DPEP1: variants seen among roughly 807,000 people sequenced by gnomAD.
The protein encoded by DPEP1 is beta-lactamase.
Under a neutral mutation model 42.3 loss-of-function variants are expected in DPEP1, and 50 were observed. That is an observed-to-expected ratio of 1.18 (90% CI 0.94 to 1.50). DPEP1 has a LOEUF of 1.50. Ranked by LOEUF, DPEP1 falls within the 40% of genes most tolerant of loss-of-function variation. The pLI is 0.00. For missense variants in DPEP1, 663 were observed against 553.0 expected (o/e 1.20, Z -1.99); for synonymous variants, 297 against 234.0 (o/e 1.27, Z -2.46).
Position 89,637,370 on chromosome 16 carries a change from T to C in DPEP1, c.758T>C (p.Leu253Pro). Residue 253 changes from leucine to proline, a missense_variant, in exon 7 of 11, where the codon CTG becomes CCG. Coordinates refer to ENST00000690203, the MANE Select transcript of DPEP1 (RefSeq NM_001389466.1). Reference sequence around the variant, plus strand: ...CGGCGCAACGTGCCTGACGACGTCCTGAGGCTGGTGGTGAGGGCCGAGGGG... The same window carrying C: ...CGGCGCAACGTGCCTGACGACGTCCCGAGGCTGGTGGTGAGGGCCGAGGGG... ...ASRRNVPDDV[L>P]RLVKQTDSLV... 1 of 1,612,340 alleles carries C rather than the reference T, an allele frequency of 6.2e-7. No homozygotes were observed. Among genetic ancestry groups the C allele is most frequent in the Non-Finnish European group, 8.5e-7 (1 of 1,179,922 alleles).
chr16:89,626,401 A>T (rs1274497867), intron 1 of DPEP1: 3 of 152,174 alleles, frequency 2.0e-5, no homozygotes, highest in Non-Finnish European at 4.4e-5. Flanking sequence ...AGCTGGCTGG[A>T]GTGCAGTGGC....
intron 3 of DPEP1, 54 bp downstream of exon 3, chr16:89,636,094 C>T: frequency 1.3e-6 from 2 of 1,568,200 alleles, no homozygotes; most frequent in Non-Finnish European, 8.6e-7. Context: ...CCGTCTCCTA[C>T]CTCAGGCCTG....
At chr16:89,616,006 G>T (rs2059376582) in intron 1 of DPEP1, among the ~76,000 whole-genome samples, 1 of 152,104 alleles carries the variant, frequency 6.6e-6, no homozygotes, top group Non-Finnish European at 1.5e-5. Flanking sequence ...CTGGGAGGCA[G>T]AGGTTTCAGT....
downstream of DPEP1, among the ~76,000 whole-genome samples, chr16:89,639,418 A>T (rs1346808485): frequency 6.7e-5 from 1 of 14,854 alleles, no homozygotes; most frequent in African/African-American, 3.0e-4. Flanking sequence ...CCCCACCCCT[A>T]CACACCACCC....
chr16:89,640,944 T>C (rs1273586832), downstream of DPEP1, among the ~76,000 whole-genome samples: 1 of 151,838 alleles, frequency 6.6e-6, no homozygotes, highest in Non-Finnish European at 1.5e-5. Context: ...GGGTCAGGAG[T>C]GTGAGCCATC....
chr16:89,637,067 C>G lies in DPEP1; in HGVS notation c.591+132C>G, dbSNP rs981130741. ...TAAAATGGAGCTGGCAGCCATCCCCCCAGGGTGGGTGCTGAGCCCTGAGTG... is the reference window on the plus strand; with the variant it reads ...TAAAATGGAGCTGGCAGCCATCCCCGCAGGGTGGGTGCTGAGCCCTGAGTG... On this transcript the variant is annotated intron_variant, in intron 6 of 10. Transcript: ENST00000690203. The G allele has an allele frequency of 1.4e-5, 21 of 1,525,678 alleles. No homozygotes were observed. In the South Asian group the frequency reaches 2.1e-4, roughly 15 times the overall value. The allele number at this position is 1,525,678 out of a possible 1,614,324, so 94.5% of individuals were successfully genotyped here. A position where few individuals can be genotyped will look rare whatever the true frequency, so the allele number is the denominator to read the frequency against.
At chr16:89,626,870 C>A (rs371384027) in intron 1 of DPEP1, among the ~76,000 whole-genome samples, 1 of 151,980 alleles carries the variant, frequency 6.6e-6, no homozygotes, top group Non-Finnish European at 1.5e-5. Flanking sequence ...GTAATCCCAA[C>A]AGCTTGGGAG....
intron 1 of DPEP1, among the ~76,000 whole-genome samples, chr16:89,629,677 C>T (rs1010438036): frequency 3.9e-5 from 6 of 152,320 alleles, no homozygotes; most frequent in South Asian, 2.1e-4. Context: ...CAGGAGCCCT[C>T]GGGCGACTTG....
At chr16:89,632,091 C>A (rs1190806136) in intron 2 of DPEP1, among the ~76,000 whole-genome samples, 2 of 152,122 alleles carry the variant, frequency 1.3e-5, no homozygotes. Flanking sequence ...CACCTGTCAC[C>A]CAGGCTGGAG....
intron 1 of DPEP1, among the ~76,000 whole-genome samples, chr16:89,615,739 G>T (rs1037061707): frequency 6.6e-6 from 1 of 152,218 alleles, no homozygotes; most frequent in Non-Finnish European, 1.5e-5. Flanking sequence ...AGGCACGTTG[G>T]GATTTGGCCA....
chr16:89,621,932 A>G (rs1033792063), intron 1 of DPEP1, among the ~76,000 whole-genome samples: 2 of 152,120 alleles, frequency 1.3e-5, no homozygotes, highest in Admixed American at 6.5e-5. Flanking sequence ...ATCATCCGAA[A>G]TGGCCACGGT....
At chr16:89,616,945 G>A (rs748480075) in intron 1 of DPEP1, 12 of 233,058 alleles carry the variant, frequency 5.1e-5, no homozygotes, top group Non-Finnish European at 8.8e-5. Flanking sequence ...ACCGAGCGGC[G>A]TGACGGCTCC....
At chr16:89,624,074 A>G (rs1356354073) in intron 1 of DPEP1, among the ~76,000 whole-genome samples, 2 of 152,114 alleles carry the variant, frequency 1.3e-5, no homozygotes, top group East Asian at 3.9e-4. Context: ...ATCCAGAGAA[A>G]CTACTGATGA....
At chr16:89,615,186 C>T (rs189233410) in intron 1 of DPEP1, among the ~76,000 whole-genome samples, 3 of 152,318 alleles carry the variant, frequency 2.0e-5, no homozygotes, top group East Asian at 3.9e-4. Context: ...AGGCCAGGAG[C>T]AGACGGGGAG....
chr16:89,614,027 C>G (rs984397198), intron 1 of DPEP1, among the ~76,000 whole-genome samples: 1 of 149,230 alleles, frequency 6.7e-6, no homozygotes, highest in Non-Finnish European at 1.5e-5. Context: ...TCCTGGGATT[C>G]TAGGAAACTG....
At chr16:89,614,078 G>C (rs1184851511) in intron 1 of DPEP1, among the ~76,000 whole-genome samples, 1 of 150,406 alleles carries the variant, frequency 6.6e-6, no homozygotes, top group Non-Finnish European at 1.5e-5. Context: ...TGCTTCCTGG[G>C]ATTCTAGGAA....
At chr16:89,620,957 C>T (rs1373370308) in intron 1 of DPEP1, among the ~76,000 whole-genome samples, 1 of 152,140 alleles carries the variant, frequency 6.6e-6, no homozygotes, top group Non-Finnish European at 1.5e-5. Flanking sequence ...GCATGGAGCA[C>T]CATCACAGGC....
At chr16:89,613,850 C>T (rs1041167588) in intron 1 of DPEP1, 131 bp downstream of exon 1, 1 of 164,608 alleles carries the variant, frequency 6.1e-6, no homozygotes, top group East Asian at 1.3e-4. Flanking sequence ...GACGCGGCGG[C>T]TTCCTGGGAT....
chr16:89,636,877 G>A lies in DPEP1; in HGVS notation c.533G>A (p.Trp178Ter). ...HSCNTPWADN[W>*]LVDTGDSEPQ... is the part of the protein sequence containing the mutation. Reference sequence around the variant, plus strand: ...TTTTGCTTCTCCAGGGCTGACAACTGGCTGGTGGACACGGGAGACAGCGAG... The same window carrying A: ...TTTTGCTTCTCCAGGGCTGACAACTAGCTGGTGGACACGGGAGACAGCGAG... Residue 178 changes from tryptophan to a stop codon, truncating the protein, a stop_gained, in exon 6 of 11, where the codon TGG becomes TAG. Coordinates refer to ENST00000690203, the MANE Select transcript of DPEP1 (RefSeq NM_001389466.1). LOFTEE classifies it high-confidence loss of function. 6.2e-7 allele frequency: 1 copy of A among 1,612,580 alleles called. No homozygotes were observed. Among genetic ancestry groups the A allele is most frequent in the South Asian group, 1.1e-5 (1 of 91,070 alleles).
Sources: allele counts gnomAD v4.1 joint callset (sites outside exome capture counted in the v4.1 genomes callset), GRCh38; gene constraint gnomAD v4.1.1; transcripts MANE v1.5; gene names NCBI Gene and HGNC (gene_info 2026-07-23, HGNC 2026-07-21).